PRDM9: variants seen among roughly 807,000 people sequenced by gnomAD.
PRDM9 encodes PR/SET domain 9, also known as histone-lysine N-methyltransferase PRDM9.
A neutral mutation model predicts 55.6 loss-of-function variants in PRDM9; 47 were observed. The observed-to-expected ratio is 0.85, with a 90% CI of 0.67 to 1.08. The LOEUF is 1.08. PRDM9 is among the 50% of genes least tolerant of loss of function. PRDM9 has a pLI of 0.00. For synonymous variants in PRDM9, 312 were observed against 375.7 expected (o/e 0.83, Z 1.96); for missense variants, 867 against 1,040.3 (o/e 0.83, Z 2.29).
intron 6 of PRDM9, 24 bp downstream of exon 6, chr5:23,521,203 CT>C (rs757041856): frequency 4.3e-6 from 7 of 1,611,408 alleles, no homozygotes; most frequent in Non-Finnish European, 5.9e-6. Flanking sequence ...TTTGCGGGGA[CT>C]TTAGTCCCTC....
chr5:23,514,394 C>G (rs1054562914), intron 4 of PRDM9, among the ~76,000 whole-genome samples: 1 of 152,124 alleles, frequency 6.6e-6, no homozygotes, highest in African/African-American at 2.4e-5. Flanking sequence ...TTTGTGTTCC[C>G]ACATCAGGAA....
chr5:23,516,338 T>C (rs997887244), intron 4 of PRDM9, among the ~76,000 whole-genome samples: 1 of 152,146 alleles, frequency 6.6e-6, no homozygotes, highest in Non-Finnish European at 1.5e-5. Flanking sequence ...GAAACACAAC[T>C]GATTTGGGGT....
chr5:23,523,505 A>G (rs1300943250), intron 9 of PRDM9, 147 bp downstream of exon 9: 1 of 762,348 alleles, frequency 1.3e-6, no homozygotes, highest in Non-Finnish European at 2.1e-6. Flanking sequence ...TACCATCAAC[A>G]TTTAGAAATA....
intron 5 of PRDM9, among the ~76,000 whole-genome samples, chr5:23,519,047 G>C (rs1388060367): frequency 6.6e-6 from 1 of 152,158 alleles, no homozygotes; most frequent in Non-Finnish European, 1.5e-5. Context: ...TCATTTGTTT[G>C]TTATTTTTCT....
intron 8 of PRDM9, 123 bp from the exon 9 acceptor site, chr5:23,523,168 C>T (rs1739368109): frequency 2.6e-5 from 31 of 1,205,936 alleles, no homozygotes; most frequent in Middle Eastern, 3.7e-4. Flanking sequence ...AGGTGCATAC[C>T]ATGTGGTCTC....
In PRDM9 at chr5:23,517,874, CT is replaced by C; in HGVS notation, c.302-3del. ...AACCAAACCACTGATTTCTCATCAC[CT>C]TTTAGTCAAACCTCCTTGGATGGCC... On this transcript the variant is annotated splice_region_variant and splice_polypyrimidine_tract_variant and intron_variant, in intron 4 of 10. Coordinates refer to ENST00000296682, the MANE Select transcript of PRDM9 (RefSeq NM_020227.4). The C allele has an allele frequency of 6.3e-7, 1 of 1,586,950 alleles. No individual in the cohort carries two copies. Among genetic ancestry groups the C allele is most frequent in the Non-Finnish European group, 8.7e-7 (1 of 1,155,282 alleles).
In PRDM9 at chr5:23,521,110, C is replaced by T. The variant is rs1418217538; in HGVS notation, c.439C>T (p.Gln147Ter). The T allele has an allele frequency of 6.2e-7, 1 of 1,614,010 alleles. No homozygotes were observed. Among genetic ancestry groups the T allele is most frequent in the African/African-American group, 1.3e-5 (1 of 74,916 alleles). The change falls in exon 6 of 11, where the codon CAG (glutamine) becomes TAG (stop). Residue 147 changes from glutamine to a stop codon, truncating the protein, a stop_gained. Transcript: ENST00000296682. LOFTEE classifies it high-confidence loss of function. ...TTTACTGAATGCAAGTGGCTCAGAG[C>T]AGGCTCAGAAACCAGTGTCCCCTTC... ...ANLLNASGSE[Q>*]AQKPVSPSGE...
chr5:23,520,463 G>T, intron 5 of PRDM9, among the ~76,000 whole-genome samples: 1 of 150,088 alleles, frequency 6.7e-6, no homozygotes, highest in Non-Finnish European at 1.5e-5. Flanking sequence ...CAGACAAGCA[G>T]AAGTGGTACA....
At chr5:23,525,359 C>T (rs1267529805) in intron 10 of PRDM9, among the ~76,000 whole-genome samples, 1 of 152,170 alleles carries the variant, frequency 6.6e-6, no homozygotes, top group African/African-American at 2.4e-5. Context: ...AGGTGGGGAG[C>T]ACGGAGGTAA....
chr5:23,519,135 C>G (rs1739277242), intron 5 of PRDM9, among the ~76,000 whole-genome samples: 1 of 152,180 alleles, frequency 6.6e-6, no homozygotes, highest in East Asian at 1.9e-4. Flanking sequence ...TCTCGGCTTA[C>G]TGCAGCCTCC....
Position 23,527,443 on chromosome 5 carries a change from T to C in PRDM9, c.2355T>C (p.Phe785=). ...TCTGCAGGGAGTGTGGGCGGGGCTT[T>C]AGAGATAAGTCAAACCTCCTCAGTC... ...PYVCRECGRG[F]RDKSNLLSHQ... is the part of the protein sequence containing the mutation. Residue 785 remains phenylalanine (F), a synonymous_variant, in exon 11 of 11, where the codon TTT becomes TTC. Transcript: ENST00000296682. 1 of 1,595,444 alleles carries C rather than the reference T, an allele frequency of 6.3e-7. No homozygotes were observed. The highest frequency in any genetic ancestry group is 8.5e-7 in the Non-Finnish European group (1 of 1,174,812).
At chr5:23,508,656 C>T (rs928850451) in intron 1 of PRDM9, among the ~76,000 whole-genome samples, 26 of 152,162 alleles carry the variant, frequency 1.7e-4, no homozygotes, top group Non-Finnish European at 2.6e-4. Flanking sequence ...CCTCAGGACT[C>T]CCCTCAAACA....
chr5:23,522,945 TGGG>T, intron 8 of PRDM9, 60 bp downstream of exon 8: 1 of 1,612,986 alleles, frequency 6.2e-7, no homozygotes, highest in Non-Finnish European at 8.5e-7. Context: ...GTGCCTTTGG[TGGG>T]GCATAATCTT....
chr5:23,515,885 C>A (rs1435641480), intron 4 of PRDM9, among the ~76,000 whole-genome samples: 1 of 152,178 alleles, frequency 6.6e-6, no homozygotes, highest in Non-Finnish European at 1.5e-5. Context: ...TGTCTTTATA[C>A]CAGTACCACA....
rs745800729 is a variant in PRDM9 at position 23,527,613 on chromosome 5, G to A, written c.2525G>A (p.Arg842His). The A allele has an allele frequency of 3.9e-6, 6 of 1,523,860 alleles. No individual in the cohort carries two copies. Among genetic ancestry groups the A allele is most frequent in the Non-Finnish European group, 5.3e-6 (6 of 1,131,728 alleles). 94.4% of individuals were successfully genotyped at this position (1,523,860 alleles called of 1,614,324 possible). The change falls in exon 11 of 11, where the codon CGC becomes CAC. Residue 842 changes from arginine to histidine, a missense_variant. Physicochemically the swap from Arg to His is conservative, Grantham distance 29. Transcript: ENST00000296682. ...YVCRECGRGF[R>H]NKSHLLRHQR... ...TGCAGGGAGTGTGGGCGGGGCTTTC[G>A]CAATAAGTCACACCTCCTCAGACAC...
chr5:23,523,234 T>C (rs1194719764), intron 8 of PRDM9, 57 bp from the exon 9 acceptor site: 2 of 1,558,270 alleles, frequency 1.3e-6, no homozygotes, highest in Non-Finnish European at 1.8e-6. Context: ...TGGAGTAAAA[T>C]AATTCTTCTG....
intron 3 of PRDM9, 50 bp downstream of exon 3, chr5:23,509,643 C>T: frequency 6.2e-7 from 1 of 1,613,200 alleles, no homozygotes; most frequent in South Asian, 1.1e-5. Flanking sequence ...TAAAACAGGT[C>T]TTTGGTCCCT....
chr5:23,516,668 G>A lies in PRDM9; in HGVS notation c.302-1213G>A, dbSNP rs114307325. Among the ~76,000 whole-genome samples, 1,100 of 151,170 alleles carry A rather than the reference G, an allele frequency of 7.3e-3. 12 individuals carry two copies. Among genetic ancestry groups the A allele is most frequent in the African/African-American group, 0.026 (1,060 of 41,270 alleles). ...ATTACAGGCGTGAGCCACCATGCTC[G>A]GCCCGAATTCATGTATTACTTCTAA... On this transcript the variant is annotated intron_variant, in intron 4 of 10. Coordinates refer to ENST00000296682, the MANE Select transcript of PRDM9 (RefSeq NM_020227.4).
intron 6 of PRDM9, among the ~76,000 whole-genome samples, chr5:23,521,406 C>T (rs541233814): frequency 4.6e-5 from 7 of 152,204 alleles, no homozygotes; most frequent in Non-Finnish European, 1.0e-4. Flanking sequence ...GGCGCAATCT[C>T]GGTTCACTGC....
Sources: allele counts gnomAD v4.1 joint callset (sites outside exome capture counted in the v4.1 genomes callset), GRCh38; gene constraint gnomAD v4.1.1; transcripts MANE v1.5; gene names NCBI Gene and HGNC (gene_info 2026-07-23, HGNC 2026-07-21).